ADAMTS16: variants seen among roughly 807,000 people sequenced by gnomAD.
ADAMTS16 encodes the protein ADAM metallopeptidase with thrombospondin type 1 motif 16.
ADAMTS16 carries 94 observed loss-of-function variants against 145.8 expected under a neutral mutation model. The ratio of observed to expected loss-of-function variants is 0.64; its 90% confidence interval spans 0.55 to 0.77. The LOEUF (loss-of-function observed/expected upper bound fraction) is 0.77, where lower values mean the gene tolerates loss of function less well. Among genes scored for constraint, ADAMTS16 ranks in the 30% least tolerant of loss-of-function variants. ADAMTS16 has a pLI of 0.00. For missense variants in ADAMTS16, 1,585 were observed against 1,591.5 expected, an observed-to-expected ratio of 1.00 and a Z score of 0.07; for synonymous variants, 659 against 604.3, an observed-to-expected ratio of 1.09 and a Z score of -1.33.
chr5:5,228,338 T>G (rs940757413), intron 11 of ADAMTS16, among the ~76,000 whole-genome samples: 5 of 152,170 alleles, frequency 3.3e-5, no homozygotes, highest in African/African-American at 1.2e-4. Context: ...GATGGATTTA[T>G]TTTGCTAGGA....
rs1401886786 is a variant in ADAMTS16 at position 5,140,543 on chromosome 5, A to G, written c.72+4A>G. 2.0e-6 allele frequency: 3 copies of G among 1,506,252 alleles called. No homozygotes were observed. Among genetic ancestry groups the G allele is most frequent in the Non-Finnish European group, 2.6e-6 (3 of 1,137,020 alleles). The allele number at this position is 1,506,252 out of a possible 1,614,324, so 93.3% of individuals were successfully genotyped here. ...GTTGGCGCAGGTGGCCGAGCAGGTGAGTCCCGGGCGCTCCCACCAGCGCGG... is the reference window on the plus strand; with the variant it reads ...GTTGGCGCAGGTGGCCGAGCAGGTGGGTCCCGGGCGCTCCCACCAGCGCGG... On this transcript the variant is annotated splice_donor_region_variant and intron_variant, in intron 1 of 22. Coordinates refer to ENST00000274181, the MANE Select transcript of ADAMTS16 (RefSeq NM_139056.4).
chr5:5,166,266 C>T (rs1379881382), intron 3 of ADAMTS16, among the ~76,000 whole-genome samples: 1 of 146,650 alleles, frequency 6.8e-6, no homozygotes. Flanking sequence ...CACACACAAA[C>T]ACACATACAT....
intron 11 of ADAMTS16, among the ~76,000 whole-genome samples, chr5:5,230,994 A>T (rs1486968305): frequency 6.6e-6 from 1 of 152,086 alleles, no homozygotes; most frequent in African/African-American, 2.4e-5. Flanking sequence ...CTATGACCAG[A>T]TGGTTTTTAA....
At chr5:5,259,923 C>T (rs1040331823) in intron 17 of ADAMTS16, among the ~76,000 whole-genome samples, 3 of 152,196 alleles carry the variant, frequency 2.0e-5, no homozygotes. Flanking sequence ...CTGAGCAGCT[C>T]CCTCCCCCGA....
At chr5:5,189,835 G>C in intron 6 of ADAMTS16, 136 bp from the exon 7 acceptor site, 1 of 999,306 alleles carries the variant, frequency 1.0e-6, no homozygotes, top group Non-Finnish European at 1.5e-6. Flanking sequence ...TAAAATACAC[G>C]CGTTAGCTTA....
At chr5:5,303,951 G>C in intron 20 of ADAMTS16, 185 bp downstream of exon 20, 1 of 682,474 alleles carries the variant, frequency 1.5e-6, no homozygotes, top group South Asian at 1.9e-5. Flanking sequence ...CTTCTGAATC[G>C]TGTCCTGGGA....
chr5:5,265,176 G>T (rs2913662), intron 18 of ADAMTS16, among the ~76,000 whole-genome samples: 42,611 of 152,124 alleles, frequency 0.28, 6,034 homozygotes, highest in East Asian at 0.37. Flanking sequence ...GGAAATGGAG[G>T]CCCCTTGCTG....
chr5:5,141,847 T>C (rs1265570077), intron 2 of ADAMTS16, among the ~76,000 whole-genome samples: 2 of 152,004 alleles, frequency 1.3e-5, no homozygotes, highest in African/African-American at 2.4e-5. Flanking sequence ...TAGTACCTTT[T>C]TGAGAACCAC....
rs115098502 is a variant in ADAMTS16, at chr5:5,226,323, A to G, written c.1701+3439A>G. Among the ~76,000 whole-genome samples, 1,131 of 152,270 alleles carry G rather than the reference A, an allele frequency of 7.4e-3. 18 individuals are homozygous for G. Among genetic ancestry groups the G allele is most frequent in the African/African-American group, 0.026 (1,070 of 41,538 alleles). ...AAGGAGAAGCAAAGTCATACCTTAC[A>G]TGGTGGCAGGCAAGAGGGAGCTTGT... On this transcript the variant is annotated intron_variant, in intron 11 of 22. Transcript: ENST00000274181.
chr5:5,146,357 T>C lies in ADAMTS16; in HGVS notation c.403T>C (p.Ser135Pro). The C allele has an allele frequency of 6.2e-7, 1 of 1,614,124 alleles. No homozygotes were observed. The highest frequency in any genetic ancestry group is 8.5e-7 in the Non-Finnish European group (1 of 1,180,028). Reference sequence around the variant, plus strand: ...GACGTTGGGAAAGACAGGCACTAAGTCTGTGCAGACTTTACCGCCAGAGGA... The same window carrying C: ...GACGTTGGGAAAGACAGGCACTAAGCCTGTGCAGACTTTACCGCCAGAGGA... ...VQTLGKTGTK[S>P]VQTLPPEDFC... The change falls in exon 3 of 23, where the codon TCT (serine) becomes CCT (proline). Residue 135 changes from serine to proline, a missense_variant. By Grantham distance (74) the Ser-to-Pro change is moderately conservative. Coordinates refer to ENST00000274181, the MANE Select transcript of ADAMTS16 (RefSeq NM_139056.4).
intron 12 of ADAMTS16, among the ~76,000 whole-genome samples, chr5:5,234,503 A>G (rs2913626): frequency 0.6 from 91,585 of 152,074 alleles, 27,848 homozygotes; most frequent in Admixed American, 0.71. Flanking sequence ...CTGCTCTTGT[A>G]AAGGATTCAC....
intron 17 of ADAMTS16, among the ~76,000 whole-genome samples, chr5:5,244,042 G>A (rs938270390): frequency 2.6e-5 from 4 of 152,172 alleles, no homozygotes; most frequent in Admixed American, 6.5e-5. Flanking sequence ...ATTCAACAGC[G>A]GGATGGAGTA....
intron 18 of ADAMTS16, among the ~76,000 whole-genome samples, chr5:5,286,788 G>A (rs560550279): frequency 1.3e-5 from 2 of 150,588 alleles, no homozygotes; most frequent in East Asian, 2.0e-4. Context: ...AACCCAGGAG[G>A]TGGAGTTTGC....
chr5:5,242,343 G>T, intron 17 of ADAMTS16, 152 bp downstream of exon 17: 1 of 1,130,568 alleles, frequency 8.8e-7, no homozygotes, highest in Non-Finnish European at 1.2e-6. Flanking sequence ...TGGTGGTCCT[G>T]AGTGTCACTT....
intron 4 of ADAMTS16, among the ~76,000 whole-genome samples, chr5:5,183,707 G>A (rs1385147642): frequency 2.0e-5 from 3 of 152,232 alleles, no homozygotes; most frequent in Non-Finnish European, 4.4e-5. Context: ...GCACAGCTCT[G>A]TGTGCAAGGC....
chr5:5,170,003 G>C (rs1025804818), intron 3 of ADAMTS16, among the ~76,000 whole-genome samples: 2 of 152,290 alleles, frequency 1.3e-5, no homozygotes, highest in East Asian at 1.9e-4. Context: ...TTTGAGAATA[G>C]TGCTATAATA....
intron 18 of ADAMTS16, among the ~76,000 whole-genome samples, chr5:5,279,466 TC>T (rs1196056949): frequency 2.6e-5 from 4 of 152,298 alleles, no homozygotes; most frequent in Admixed American, 2.6e-4. Context: ...TTTTACTTAT[TC>T]CTGGTCTCTT....
At chr5:5,270,855 G>C (rs1322541450) in intron 18 of ADAMTS16, among the ~76,000 whole-genome samples, 1 of 152,156 alleles carries the variant, frequency 6.6e-6, no homozygotes, top group African/African-American at 2.4e-5. Context: ...TCCCTGAGAG[G>C]CTTCCCTGGC....
intron 20 of ADAMTS16, among the ~76,000 whole-genome samples, chr5:5,305,896 G>T (rs1043345775): frequency 6.6e-6 from 1 of 152,242 alleles, no homozygotes; most frequent in Non-Finnish European, 1.5e-5. Context: ...CCCTGCAAGT[G>T]GGGGCTGCAG....
Sources: gnomAD v4.1 joint callset for allele counts (sites outside exome capture counted in the v4.1 genomes callset) on GRCh38, gnomAD v4.1.1 for gene constraint, MANE v1.5 for transcripts, NCBI Gene and HGNC (gene_info 2026-07-23, HGNC 2026-07-21) for gene names.